The following TFR2 variants were observed in gnomAD, a reference collection of about 807,000 sequenced individuals.
TFR2 encodes transferrin receptor protein 2.
A neutral mutation model predicts 91.9 loss-of-function variants in TFR2; 64 were observed. The ratio of observed to expected loss-of-function variants is 0.70; its 90% CI spans 0.57 to 0.86. TFR2 has a LOEUF of 0.86. Ranked by LOEUF, TFR2 falls within the 40% of genes least tolerant of loss-of-function variation. The probability of loss-of-function intolerance (pLI) is 0.00; values close to 1 mark genes in which losing one functional copy is unlikely to be tolerated. For synonymous variants in TFR2, 454 were observed against 459.6 expected (o/e 0.99, Z 0.15); for missense variants, 950 against 1,080.5 (o/e 0.88, Z 1.69).
intron 9 of TFR2, 37 bp downstream of exon 9, chr7:100,630,849 CCCA>C (rs751801070): frequency 7.4e-5 from 120 of 1,611,194 alleles, no homozygotes; most frequent in Non-Finnish European, 9.9e-5. Flanking sequence ...ATTCCCCCAG[CCCA>C]CCACCAGCTG....
rs1312940220 is a variant in TFR2 at position 100,640,968 on chromosome 7, G to A, written c.286+8C>T. The stretch of plus-strand genomic sequence containing the variant: ...CCCTTCACTTCTGGGGAGGGGGACG[G>A]CTCTCACCCCCAGTGAAGATCAGCA... On this transcript the variant is annotated splice_region_variant and intron_variant, in intron 2 of 17. Transcript: ENST00000223051. 1.2e-6 allele frequency: 2 copies of A among 1,611,688 alleles called. No homozygotes were observed. The highest frequency in any genetic ancestry group is 1.1e-5 in the South Asian group (1 of 90,984).
At chr7:100,623,111 A>G (rs1009477734) in intron 17 of TFR2, among the ~76,000 whole-genome samples, 1 of 152,178 alleles carries the variant, frequency 6.6e-6, no homozygotes, top group African/African-American at 2.4e-5. Flanking sequence ...CGTCTCTACT[A>G]AAAATACAAA....
chr7:100,624,740 C>T (rs1803205927), intron 17 of TFR2, among the ~76,000 whole-genome samples: 1 of 151,818 alleles, frequency 6.6e-6, no homozygotes, highest in Non-Finnish European at 1.5e-5. Flanking sequence ...GGTAGTGTGT[C>T]CTTGTAGTCC....
At position 100,623,887 on chromosome 7, in the gene TFR2, C is replaced by CAAAA. The variant is rs36052130; in HGVS notation, c.2137-2765_2137-2762dup. Among the ~76,000 whole-genome samples, 628 of 96,424 alleles carry CAAAA rather than the reference C, an allele frequency of 6.5e-3. 12 individuals are homozygous for CAAAA. The highest frequency in any genetic ancestry group is 0.026 in the African/African-American group (589 of 22,730). 63.3% of individuals were successfully genotyped at this position (96,424 alleles called of 152,430 possible). On this transcript the variant is annotated intron_variant, in intron 17 of 17. Coordinates refer to ENST00000223051, the MANE Select transcript of TFR2 (RefSeq NM_003227.4). Reference sequence around the variant, plus strand: ...CAACATGATGAAACCCCTTCTCTACCAAAAAAAAAAAAAAAAAAAAAAATT... The same window carrying CAAAA: ...CAACATGATGAAACCCCTTCTCTACCAAAAAAAAAAAAAAAAAAAAAAAAAAATT...
At chr7:100,638,559 G>T (rs1803624111) in intron 3 of TFR2, among the ~76,000 whole-genome samples, 2 of 151,712 alleles carry the variant, frequency 1.3e-5, no homozygotes, top group South Asian at 2.1e-4. Flanking sequence ...AGACCAGTCT[G>T]CCCAACATGG....
rs1803408716 is a variant in TFR2, at chr7:100,630,780, T to G, written c.1270+109A>C. 7.3e-6 allele frequency: 11 copies of G among 1,500,822 alleles called. No individual in the cohort carries two copies. In the East Asian group the frequency reaches 2.5e-4, roughly 34 times the overall value. The allele number at this position is 1,500,822 out of a possible 1,614,324, so 93.0% of individuals were successfully genotyped here. On this transcript the variant is annotated intron_variant, in intron 9 of 17. Transcript: ENST00000223051. ...GCTTCCCTCCTCTGGGCACCACTCCTGTCCCCTCTTGGGGCCTCCTGCACC... is the reference window on the plus strand; with the variant it reads ...GCTTCCCTCCTCTGGGCACCACTCCGGTCCCCTCTTGGGGCCTCCTGCACC...
intron 9 of TFR2, among the ~76,000 whole-genome samples, chr7:100,630,125 C>G (rs1440463943): frequency 6.6e-6 from 1 of 152,128 alleles, no homozygotes; most frequent in Non-Finnish European, 1.5e-5. Context: ...TTCTCCACTG[C>G]CATCCACATC....
rs1196406427 is a variant in TFR2, at chr7:100,633,391, G to A, written c.614+25C>T. ...CCGAGCCGCGTCCCCCTCCCCGCGC[G>A]CCCCCCGCCCGCGCGCGCACTCACG... On this transcript the variant is annotated intron_variant, in intron 4 of 17. Coordinates refer to ENST00000223051, the MANE Select transcript of TFR2 (RefSeq NM_003227.4). 3 of 1,604,986 alleles carry A rather than the reference G, an allele frequency of 1.9e-6. No homozygotes were observed. The East Asian group carries it at 6.7e-5, about 36-fold the overall frequency.
At chr7:100,626,940 G>C in intron 16 of TFR2, 37 bp from the exon 17 acceptor site, 1 of 1,524,636 alleles carries the variant, frequency 6.6e-7, no homozygotes, top group Non-Finnish European at 8.8e-7. Context: ...CTGGCGGCAG[G>C]GGCCAGGACC....
intron 3 of TFR2, among the ~76,000 whole-genome samples, chr7:100,637,766 T>G (rs1404129554): frequency 1.3e-5 from 2 of 151,928 alleles, no homozygotes; most frequent in Admixed American, 6.6e-5. Context: ...TGAGCCCAGA[T>G]TGCACCACTG....
At position 100,640,841 on chromosome 7, in the gene TFR2, C is replaced by A. The variant is rs757334627; in HGVS notation, c.318G>T (p.Gly106=). The part of the protein sequence containing the change: ...AFLLGYVAFR[G]SCQACGDSVL... ...CAGAGTCTCCGCACGCCTGGCAGGA[C>A]CCTCGGAAGGCGACGTAGCCCAGTA... Residue 106 remains glycine, a synonymous_variant, in exon 3 of 18, where the codon GGG becomes GGT. Transcript: ENST00000223051. 1 of 1,614,120 alleles carries A rather than the reference C, an allele frequency of 6.2e-7. No homozygotes were observed. The highest frequency in any genetic ancestry group is 8.5e-7 in the Non-Finnish European group (1 of 1,180,036).
At chr7:100,640,582 G>A in intron 3 of TFR2, 104 bp downstream of exon 3, 2 of 1,349,698 alleles carry the variant, frequency 1.5e-6, no homozygotes, top group Non-Finnish European at 2.0e-6. Context: ...GACTCAGGAG[G>A]GGGACCCAGA....
chr7:100,622,337 C>A (rs960764473), intron 17 of TFR2, among the ~76,000 whole-genome samples: 1 of 152,122 alleles, frequency 6.6e-6, no homozygotes, highest in East Asian at 1.9e-4. Context: ...CTCCAGCCAT[C>A]TGGACCTCCC....
chr7:100,634,177 AACACACACACACACACACACACAC>A (rs3076877), intron 3 of TFR2, among the ~76,000 whole-genome samples: 18 of 132,804 alleles, frequency 1.4e-4, no homozygotes, highest in African/African-American at 4.0e-4. Context: ...TCCCGACGTC[AACACACACACACACACACACACAC>A]ACACACACAC....
At chr7:100,626,105 C>G (rs1803243148) in intron 17 of TFR2, among the ~76,000 whole-genome samples, 2 of 152,272 alleles carry the variant, frequency 1.3e-5, no homozygotes, top group South Asian at 4.1e-4. Flanking sequence ...TCCCCATGGC[C>G]ACAGTCCCTA....
chr7:100,632,265 C>T, intron 6 of TFR2, 67 bp from the exon 7 acceptor site: 2 of 1,409,194 alleles, frequency 1.4e-6, no homozygotes, highest in Non-Finnish European at 2.0e-6. Context: ...CAGGAGAAAC[C>T]AGGAAATGGC....
In TFR2 at chr7:100,629,345, C is replaced by G. The variant is rs1324022069; in HGVS notation, c.1298G>C (p.Arg433Thr). Residue 433 changes from arginine (R) to threonine (T), a missense_variant, in exon 10 of 18, where the codon AGG becomes ACG. By Grantham distance (71) the Arg-to-Thr change is moderately conservative. Transcript: ENST00000223051. ...AGCTGCTCCTGGGCCCCATGCATCCCTCTGGGCCCCGATGACAACGTAGTG... is the reference window on the plus strand; with the variant it reads ...AGCTGCTCCTGGGCCCCATGCATCCGTCTGGGCCCCGATGACAACGTAGTG... ...PDHYVVIGAQ[R>T]DAWGPGAAKS... is the part of the protein sequence containing the mutation. The G allele has an allele frequency of 1.2e-6, 2 of 1,614,062 alleles. No individual in the cohort carries two copies. The highest frequency in any genetic ancestry group is 2.2e-5 in the South Asian group (2 of 91,080).
At chr7:100,628,362 C>A in intron 10 of TFR2, 56 bp from the exon 11 acceptor site, 1 of 1,547,818 alleles carries the variant, frequency 6.5e-7, no homozygotes, top group Non-Finnish European at 8.9e-7. Context: ...AAGACCCTCC[C>A]CTTGTCTTCT....
At chr7:100,631,216 C>T (rs1803422015) in intron 8 of TFR2, among the ~76,000 whole-genome samples, 164 bp from the exon 9 acceptor site, 1 of 151,444 alleles carries the variant, frequency 6.6e-6, no homozygotes, top group Non-Finnish European at 1.5e-5. Context: ...TTGGATGGTT[C>T]TCAGCTGAGG....
Sources: allele counts gnomAD v4.1 joint callset (sites outside exome capture counted in the v4.1 genomes callset), GRCh38; gene constraint gnomAD v4.1.1; transcripts MANE v1.5; gene names NCBI Gene and HGNC (gene_info 2026-07-23, HGNC 2026-07-21).